PARD3B: variants seen among roughly 807,000 people sequenced by gnomAD.
PARD3B encodes par-3 family cell polarity regulator beta, also known as partitioning defective 3 homolog B.
A neutral mutation model predicts 130.2 loss-of-function variants in PARD3B; 103 were observed. That is an observed-to-expected ratio of 0.79 (90% CI 0.67 to 0.93). The LOEUF (loss-of-function observed/expected upper bound fraction) is 0.93, where lower values mean the gene tolerates loss of function less well. Ranked by LOEUF, PARD3B falls within the 40% of genes least tolerant of loss-of-function variation. The pLI, the probability that PARD3B is intolerant of heterozygous loss-of-function variation, is 0.00. For synonymous variants in PARD3B, 583 were observed against 553.2 expected (o/e 1.05, Z -0.76); for missense variants, 1,609 against 1,499.2 (o/e 1.07, Z -1.21).
At chr2:204,654,128 G>A (rs1273316554) in intron 1 of PARD3B, among the ~76,000 whole-genome samples, 1 of 151,144 alleles carries the variant, frequency 6.6e-6, no homozygotes, top group Non-Finnish European at 1.5e-5. Flanking sequence ...GGATAATCTT[G>A]CAAAATGTAG....
chr2:205,330,445 T>A (rs1013214784), intron 18 of PARD3B, among the ~76,000 whole-genome samples: 1 of 152,242 alleles, frequency 6.6e-6, no homozygotes, highest in African/African-American at 2.4e-5. Context: ...CCCTCAGGGC[T>A]GTTTGATCCA....
intron 3 of PARD3B, among the ~76,000 whole-genome samples, chr2:204,990,287 G>C (rs1184008493): frequency 6.7e-6 from 1 of 149,590 alleles, no homozygotes; most frequent in Non-Finnish European, 1.5e-5. Flanking sequence ...GATAATAATT[G>C]TACGTATTTT....
At chr2:205,355,971 C>T (rs2044177396) in intron 18 of PARD3B, among the ~76,000 whole-genome samples, 1 of 152,172 alleles carries the variant, frequency 6.6e-6, no homozygotes, top group Non-Finnish European at 1.5e-5. Flanking sequence ...TCCACCTGGT[C>T]TCTCCCTTGA....
intron 2 of PARD3B, among the ~76,000 whole-genome samples, chr2:204,730,627 G>GA (rs909837484): frequency 5.4e-5 from 8 of 147,154 alleles, no homozygotes; most frequent in Admixed American, 2.0e-4. Context: ...TCTTTTGAAA[G>GA]AAAAAATCAC....
intron 2 of PARD3B, among the ~76,000 whole-genome samples, chr2:204,826,108 G>C (rs548207742): frequency 5.3e-5 from 8 of 152,254 alleles, no homozygotes; most frequent in African/African-American, 1.4e-4. Flanking sequence ...GGAAAAGAGG[G>C]AGGAGAGGAG....
At chr2:204,745,358 A>G (rs1261216393) in intron 2 of PARD3B, among the ~76,000 whole-genome samples, 4 of 152,072 alleles carry the variant, frequency 2.6e-5, no homozygotes, top group South Asian at 2.1e-4. Flanking sequence ...AGATTTTTGC[A>G]TACGTTACTT....
chr2:205,418,445 C>T (rs1054789395), intron 19 of PARD3B, among the ~76,000 whole-genome samples: 3 of 960 alleles, frequency 3.1e-3, no homozygotes, highest in African/African-American at 6.3e-3. Flanking sequence ...GCAGAGAGAC[C>T]AATACACTAA....
chr2:205,181,470 G>A (rs1576098338), intron 13 of PARD3B, among the ~76,000 whole-genome samples: 5 of 152,170 alleles, frequency 3.3e-5, no homozygotes, highest in Admixed American at 3.3e-4. Flanking sequence ...TGTCCTTAAA[G>A]TGCAAGATAG....
Position 204,553,695 on chromosome 2 carries a change from T to TACAC in PARD3B, c.120+7580_120+7583dup, listed in dbSNP as rs57144543. On this transcript the variant is annotated intron_variant, in intron 1 of 22. Coordinates refer to ENST00000406610, the MANE Select transcript of PARD3B (RefSeq NM_001302769.2). ...ATATATATATATATATATATATATA[T>TACAC]ACACACATATATATAAAGGAATACA... Among the ~76,000 whole-genome samples the TACAC allele has an allele frequency of 2.8e-3, 257 of 90,660 alleles. 2 individuals carry two copies. The highest frequency in any genetic ancestry group is 0.014 in the African/African-American group (233 of 17,198). 59.5% of individuals were successfully genotyped at this position (90,660 alleles called of 152,430 possible).
intron 20 of PARD3B, among the ~76,000 whole-genome samples, chr2:205,457,230 G>A (rs968205613): frequency 2.6e-5 from 4 of 151,844 alleles, no homozygotes; most frequent in Non-Finnish European, 5.9e-5. Context: ...TACTTTTCTA[G>A]GAGTTGGTCC....
chr2:205,348,992 C>A (rs562865471), intron 18 of PARD3B, among the ~76,000 whole-genome samples: 1 of 152,186 alleles, frequency 6.6e-6, no homozygotes, highest in East Asian at 1.9e-4. Context: ...AGAGTGTAAT[C>A]TTAGCATTGA....
At chr2:204,814,421 A>G (rs1198097869) in intron 2 of PARD3B, among the ~76,000 whole-genome samples, 1 of 151,664 alleles carries the variant, frequency 6.6e-6, no homozygotes, top group Admixed American at 6.6e-5. Flanking sequence ...TATAACATAA[A>G]CTGTAGGATA....
chr2:205,532,000 G>A (rs1259576603), intron 21 of PARD3B, among the ~76,000 whole-genome samples: 3 of 151,756 alleles, frequency 2.0e-5, no homozygotes, highest in Admixed American at 6.6e-5. Context: ...TTCTAGCAGC[G>A]TGAACACCGC....
In PARD3B at chr2:205,592,525, C is replaced by T. The variant is rs1030509811; in HGVS notation, c.3261-22931C>T. Among the ~76,000 whole-genome samples the T allele has an allele frequency of 6.6e-6, 1 of 152,152 alleles. No homozygotes were observed. The highest frequency in any genetic ancestry group is 2.4e-5 in the African/African-American group (1 of 41,422). ...GGTAATAGTCCTTACCATCACAGAG[C>T]TCACAGTTCGTTGGAGACACCAGAA... On this transcript the variant is annotated intron_variant, in intron 22 of 22. Transcript: ENST00000406610. The surrounding 1 kb of genome is among the most constrained non-coding windows in gnomAD (Gnocchi z 4.5).
At chr2:205,200,927 G>A (rs1042577152) in intron 15 of PARD3B, among the ~76,000 whole-genome samples, 3 of 152,092 alleles carry the variant, frequency 2.0e-5, no homozygotes, top group Non-Finnish European at 2.9e-5. Context: ...TAATCCCCTG[G>A]TTCTTAGCTG....
intron 19 of PARD3B, among the ~76,000 whole-genome samples, chr2:205,434,226 CTGA>C (rs1487428461): frequency 2.0e-5 from 3 of 152,096 alleles, no homozygotes; most frequent in Non-Finnish European, 4.4e-5. Context: ...TTGCATTTCC[CTGA>C]TGATGTATGA....
chr2:205,290,923 C>T (rs1334637852), intron 16 of PARD3B, among the ~76,000 whole-genome samples: 1 of 152,170 alleles, frequency 6.6e-6, no homozygotes, highest in African/African-American at 2.4e-5. Context: ...AGGTCCTCAA[C>T]AGACACTGAA....
rs3077792 is a variant in PARD3B, at chr2:205,460,393, GTGATGATGA to G, written c.3044+19756_3044+19764del. ...ATTATCAAGACTAAGGATGTTGATA[GTGATGATGA>G]TGATGATGATGATGATGATGATGAT... is the stretch of plus-strand genomic sequence containing the variant. On this transcript the variant is annotated intron_variant, in intron 20 of 22. Transcript: ENST00000406610. This position sits in a 1 kb window ranked among gnomAD's most constrained non-coding sequence, Gnocchi z 4.9. 0.017 allele frequency among the ~76,000 whole-genome samples: 2,459 copies of G among 147,992 alleles called. 63 individuals carry two copies. Among genetic ancestry groups the G allele is most frequent in the African/African-American group, 0.056 (2,281 of 40,394 alleles).
At chr2:205,307,174 G>T (rs1052997719) in intron 18 of PARD3B, among the ~76,000 whole-genome samples, 1 of 152,160 alleles carries the variant, frequency 6.6e-6, no homozygotes, top group Non-Finnish European at 1.5e-5. Context: ...CTAAGTGTTT[G>T]CACTTTTCTG....
Sources: allele counts gnomAD v4.1 joint callset (sites outside exome capture counted in the v4.1 genomes callset), GRCh38; gene constraint gnomAD v4.1.1; non-coding constraint Gnocchi (gnomAD v3.1); transcripts MANE v1.5; gene names NCBI Gene and HGNC (gene_info 2026-07-23, HGNC 2026-07-21).